NDC80: variants seen among roughly 807,000 people sequenced by gnomAD.
NDC80 encodes kinetochore protein NDC80 homolog.
NDC80 carries 69 observed loss-of-function variants against 89.3 expected under a neutral mutation model. That is an observed-to-expected ratio of 0.77 (90% confidence interval 0.64 to 0.94). The LOEUF (loss-of-function observed/expected upper bound fraction) is 0.94, where lower values mean the gene tolerates loss of function less well. Among genes scored for constraint, NDC80 ranks in the 40% least tolerant of loss-of-function variants. NDC80 has a pLI of 0.00. For missense variants in NDC80, 593 were observed against 739.6 expected, an observed-to-expected ratio of 0.80 and a Z score of 2.30; for synonymous variants, 243 against 255.6, an observed-to-expected ratio of 0.95 and a Z score of 0.47.
chr18:2,572,924 T>C (rs759126271), intron 1 of NDC80, 53 bp from the exon 2 acceptor site: 53 of 1,327,618 alleles, frequency 4.0e-5, no homozygotes, highest in Non-Finnish European at 5.0e-5. Flanking sequence ...AGTTGCTTAA[T>C]GTACCATCTC....
chr18:2,601,429 GA>G lies in NDC80; in HGVS notation c.1410del (p.Glu471LysfsTer6). The G allele has an allele frequency of 6.5e-7, 1 of 1,526,980 alleles. No homozygotes were observed. The highest frequency in any genetic ancestry group is 8.9e-7 in the Non-Finnish European group (1 of 1,120,982). 94.6% of individuals were successfully genotyped at this position (1,526,980 alleles called of 1,614,324 possible). On this transcript the variant is annotated frameshift_variant, in exon 13 of 17. Coordinates refer to ENST00000261597, the MANE Select transcript of NDC80 (RefSeq NM_006101.3). LOFTEE classifies it high-confidence loss of function. ...PLKELLNETE[E>X]EINKALNKKM... is the part of the protein sequence containing the mutation. ...TAAGGAACTCCTGAATGAAACTGAA[GA>G]AGAAATTAATAAAGCCCTAAATAAA...
rs760970000 is a variant in NDC80, at chr18:2,590,028, A to C, written c.881A>C (p.Glu294Ala). ...TCTTTTCTCTTAAAGAATCGTCTAG[A>C]GTCGTTGAGAAAACTGAAGGCTTCC... ...QEREKEPNRL[E>A]SLRKLKASLQ... is the part of the protein sequence containing the mutation. Residue 294 changes from glutamate (E) to alanine (A), a missense_variant, in exon 10 of 17, where the codon GAG (glutamate) becomes GCG (alanine). Physicochemically the swap from Glu to Ala is moderately radical, Grantham distance 107. Transcript: ENST00000261597. 1.2e-5 allele frequency: 19 copies of C among 1,598,048 alleles called. No individual in the cohort carries two copies. Among genetic ancestry groups the C allele is most frequent in the Non-Finnish European group, 6.8e-6 (8 of 1,172,830 alleles).
At chr18:2,608,242 G>C (rs886870900) in intron 14 of NDC80, among the ~76,000 whole-genome samples, 1 of 150,468 alleles carries the variant, frequency 6.6e-6, no homozygotes, top group African/African-American at 2.4e-5. Flanking sequence ...GTCTCGCTCT[G>C]TCGCTCAGGC....
At chr18:2,611,403 T>C (rs774145036) in intron 16 of NDC80, among the ~76,000 whole-genome samples, 1 of 152,184 alleles carries the variant, frequency 6.6e-6, no homozygotes, top group Non-Finnish European at 1.5e-5. Context: ...ACATATGATG[T>C]TATGTATTAC....
intron 13 of NDC80, among the ~76,000 whole-genome samples, chr18:2,606,052 T>C (rs1032830648): frequency 1.9e-4 from 29 of 151,692 alleles, no homozygotes; most frequent in Admixed American, 5.9e-4. Flanking sequence ...AAAAGCTAAA[T>C]AGCTGTAGTA....
intron 1 of NDC80, among the ~76,000 whole-genome samples, chr18:2,572,370 T>A (rs2072520105): frequency 1.3e-5 from 2 of 152,168 alleles, no homozygotes; most frequent in Admixed American, 1.3e-4. Flanking sequence ...CCTGTTAATG[T>A]GGTTTGTAAA....
intron 15 of NDC80, among the ~76,000 whole-genome samples, chr18:2,609,928 T>C (rs2072733801): frequency 6.6e-6 from 1 of 152,216 alleles, no homozygotes; most frequent in Admixed American, 6.5e-5. Flanking sequence ...ATTTGCCAGA[T>C]TGCGCTCATA....
intron 10 of NDC80, among the ~76,000 whole-genome samples, chr18:2,592,537 A>G (rs1427626158): frequency 6.6e-6 from 1 of 151,392 alleles, no homozygotes; most frequent in Non-Finnish European, 1.5e-5. Context: ...CATTTTTTTT[A>G]GTAGAGACAG....
At chr18:2,597,647 C>T (rs995190620) in intron 11 of NDC80, among the ~76,000 whole-genome samples, 1 of 151,994 alleles carries the variant, frequency 6.6e-6, no homozygotes, top group Non-Finnish European at 1.5e-5. Context: ...AGGAGAATCG[C>T]TTGAACCCGG....
chr18:2,587,734 A>C (rs1473864151), intron 7 of NDC80, 96 bp from the exon 8 acceptor site: 6 of 961,516 alleles, frequency 6.2e-6, no homozygotes. Context: ...ATTTCTGACT[A>C]TTTTTTAAAT....
intron 10 of NDC80, among the ~76,000 whole-genome samples, chr18:2,592,817 C>A (rs1262666236): frequency 2.6e-5 from 4 of 152,050 alleles, no homozygotes; most frequent in Non-Finnish European, 5.9e-5. Context: ...TCCTCTCCAC[C>A]CTTAGGATGA....
chr18:2,588,930 T>C (rs1009548130), intron 8 of NDC80, among the ~76,000 whole-genome samples: 12 of 152,142 alleles, frequency 7.9e-5, no homozygotes, highest in Non-Finnish European at 1.3e-4. Flanking sequence ...TGAGCTTACA[T>C]TTTAGTAGAC....
At chr18:2,574,956 A>G (rs934512043) in intron 2 of NDC80, 33 bp from the exon 3 acceptor site, 7 of 1,388,396 alleles carry the variant, frequency 5.0e-6, no homozygotes, top group Non-Finnish European at 7.0e-6. Context: ...TTTAATTTTT[A>G]TTTTAAAGAG....
Position 2,608,732 on chromosome 18 carries a change from T to G in NDC80, c.1590T>G (p.Ser530Arg), listed in dbSNP as rs750854546. The change falls in exon 15 of 17, where the codon AGT becomes AGG. Residue 530 changes from serine (S) to arginine (R), a missense_variant. Ser to Arg is a moderately radical substitution (Grantham distance 110, BLOSUM62 -1). Coordinates refer to ENST00000261597, the MANE Select transcript of NDC80 (RefSeq NM_006101.3). ...EAEEEDEKCA[S>R]ELESLEKHKH... ...AGGAAGAGGATGAAAAATGTGCCAGTGAGCTTGAGTCCTTGGAGAAACACA... is the reference window on the plus strand; with the variant it reads ...AGGAAGAGGATGAAAAATGTGCCAGGGAGCTTGAGTCCTTGGAGAAACACA... The G allele has an allele frequency of 6.2e-7, 1 of 1,612,786 alleles. No homozygotes were observed. Among genetic ancestry groups the G allele is most frequent in the Non-Finnish European group, 8.5e-7 (1 of 1,179,006 alleles).
intron 12 of NDC80, 127 bp downstream of exon 12, chr18:2,599,298 T>A (rs370224575): frequency 3.2e-5 from 22 of 697,094 alleles, no homozygotes; most frequent in Middle Eastern, 4.2e-4. Context: ...TGTATCTTCT[T>A]TCTTCTCGGT....
chr18:2,583,387 A>G (rs562382760), intron 6 of NDC80, among the ~76,000 whole-genome samples: 34 of 152,166 alleles, frequency 2.2e-4, no homozygotes, highest in Non-Finnish European at 4.7e-4. Flanking sequence ...TCTGCCCTAC[A>G]TGTCTTTCAG....
chr18:2,573,509 A>G (rs529037985), intron 2 of NDC80, among the ~76,000 whole-genome samples: 1 of 152,350 alleles, frequency 6.6e-6, no homozygotes, highest in South Asian at 2.1e-4. Flanking sequence ...GCAGCCTACA[A>G]AACACCACTC....
At position 2,572,993 on chromosome 18, in the gene NDC80, G is replaced by A. The variant is rs1197300304; in HGVS notation, c.8G>A (p.Arg3His). The change falls in exon 2 of 17, where the codon CGC becomes CAC. Residue 3 changes from arginine (R) to histidine (H), a missense_variant. Transcript: ENST00000261597. MK[R>H]SSVSSGGAGR... ...TGAATGTAGGTCATAAGCATGAAGC[G>A]CAGTTCAGTTTCCAGCGGTGGTGCT... 6 of 1,613,418 alleles carry A rather than the reference G, an allele frequency of 3.7e-6. No homozygotes were observed. The highest frequency in any genetic ancestry group is 4.5e-5 in the East Asian group (2 of 44,882).
chr18:2,597,445 T>A (rs1457330836), intron 11 of NDC80, among the ~76,000 whole-genome samples: 1 of 152,142 alleles, frequency 6.6e-6, no homozygotes, highest in Non-Finnish European at 1.5e-5. Context: ...ATAGTAAGGA[T>A]TCGGTCCGGA....
Sources: allele counts gnomAD v4.1 joint callset (sites outside exome capture counted in the v4.1 genomes callset), GRCh38; gene constraint gnomAD v4.1.1; transcripts MANE v1.5; gene names NCBI Gene and HGNC (gene_info 2026-07-23, HGNC 2026-07-21).